The following REV3L variants were observed in gnomAD, a reference collection of about 807,000 sequenced individuals.
REV3L encodes DNA polymerase zeta catalytic subunit.
A neutral mutation model predicts 299.4 loss-of-function variants in REV3L; 69 were observed. The ratio of observed to expected loss-of-function variants is 0.23; its 90% CI spans 0.19 to 0.28. REV3L has a LOEUF of 0.28. Ranked by LOEUF, REV3L falls within the 10% of genes least tolerant of loss-of-function variation. The pLI is 1.00. For synonymous variants in REV3L, 1,238 were observed against 1,271.4 expected, an observed-to-expected ratio of 0.97 and a Z score of 0.56; for missense variants, 3,128 against 3,693.8, an observed-to-expected ratio of 0.85 and a Z score of 3.97.
In REV3L at chr6:111,300,164, C is replaced by T; in HGVS notation, c.9253-8G>A. ...TGTACAGTTCTTGCATATCTGAAAG[C>T]ATAAGAGAAATACAAAAAATAATAG... On this transcript the variant is annotated splice_polypyrimidine_tract_variant and splice_region_variant and intron_variant, in intron 31 of 31. Coordinates refer to ENST00000368802, the MANE Select transcript of REV3L (RefSeq NM_001372078.1). 1 of 1,552,196 alleles carries T rather than the reference C, an allele frequency of 6.4e-7. No homozygotes were observed. Among genetic ancestry groups the T allele is most frequent in the Non-Finnish European group, 8.7e-7 (1 of 1,154,278 alleles).
intron 4 of REV3L, among the ~76,000 whole-genome samples, chr6:111,395,080 T>C (rs1420032284): frequency 6.6e-6 from 1 of 152,210 alleles, no homozygotes; most frequent in African/African-American, 2.4e-5. Flanking sequence ...TCCATTTTTA[T>C]ACCAACATCA....
chr6:111,412,505 T>C (rs1220089635), intron 2 of REV3L, among the ~76,000 whole-genome samples: 1 of 152,122 alleles, frequency 6.6e-6, no homozygotes, highest in African/African-American at 2.4e-5. Flanking sequence ...AAAGGCTTTG[T>C]ATTGGCTGAA....
chr6:111,389,341 T>A, intron 6 of REV3L, 131 bp from the exon 7 acceptor site: 1 of 676,928 alleles, frequency 1.5e-6, no homozygotes, highest in Non-Finnish European at 2.5e-6. Flanking sequence ...GTGGACAAAT[T>A]ATCCCAACCT....
chr6:111,376,843 C>T, intron 12 of REV3L, 86 bp from the exon 13 acceptor site: 1 of 1,096,628 alleles, frequency 9.1e-7, no homozygotes, highest in Non-Finnish European at 1.3e-6. Flanking sequence ...TTAATGCTAT[C>T]ACTATGAAAA....
intron 1 of REV3L, among the ~76,000 whole-genome samples, chr6:111,440,530 G>GT (rs1788143411): frequency 6.6e-6 from 1 of 152,170 alleles, no homozygotes; most frequent in South Asian, 2.1e-4. Flanking sequence ...ATAAGGGACA[G>GT]CCCTCCTGTC....
At chr6:111,325,163 A>G (rs756850187) in intron 25 of REV3L, among the ~76,000 whole-genome samples, 2 of 152,214 alleles carry the variant, frequency 1.3e-5, no homozygotes, top group South Asian at 4.1e-4. Context: ...ACCTGGCCTC[A>G]AAAGTCTTAA....
intron 26 of REV3L, among the ~76,000 whole-genome samples, chr6:111,320,814 T>G (rs182969911): frequency 1.6e-4 from 24 of 152,282 alleles, no homozygotes; most frequent in Non-Finnish European, 3.4e-4. Flanking sequence ...CATGTCCGGC[T>G]AATTTTTAAA....
At chr6:111,363,604 A>T (rs1778918158) in intron 16 of REV3L, among the ~76,000 whole-genome samples, 1 of 152,130 alleles carries the variant, frequency 6.6e-6, no homozygotes, top group South Asian at 2.1e-4. Context: ...CCATAAGCTG[A>T]ATTTCAGTTA....
intron 2 of REV3L, chr6:111,412,133 A>G: frequency 1.0e-6 from 1 of 985,388 alleles, no homozygotes; most frequent in Non-Finnish European, 1.2e-6. Flanking sequence ...TACACACAGC[A>G]TGTATTTCAG....
rs755087400 is a variant in REV3L, at chr6:111,367,630, A to G, written c.6158T>C (p.Met2053Thr). The stretch of plus-strand genomic sequence containing the variant: ...GGGGAGTATACATGGACTTACATCC[A>G]TTTTTGGAGGCACTACAGGTTTGTC... ...PDDKPVVPPK[M>T]DVSPCILPTT... The change falls in exon 14 of 32, where the codon ATG becomes ACG. Residue 2053 changes from methionine (M) to threonine (T), a missense_variant. Physicochemically the swap from Met to Thr is moderately conservative, Grantham distance 81 (BLOSUM62 -1). This residue lies in a region of REV3L where 2,409 missense variants were observed against 2,611.8 expected (regional missense o/e 0.92). Coordinates refer to ENST00000368802, the MANE Select transcript of REV3L (RefSeq NM_001372078.1). The G allele has an allele frequency of 6.2e-7, 1 of 1,614,124 alleles. No homozygotes were observed. Among genetic ancestry groups the G allele is most frequent in the East Asian group, 2.2e-5 (1 of 44,888 alleles).
rs947787063 is a variant in REV3L at position 111,389,984 on chromosome 6, T to C, written c.757+102A>G. On this transcript the variant is annotated intron_variant, in intron 6 of 31. Transcript: ENST00000368802. ...GATCTGACCTCATGATCCACCCACC[T>C]TGGCCTCCCAAAGTGCTGGGATTAC... The C allele has an allele frequency of 7.3e-5, 51 of 701,686 alleles. No homozygotes were observed. The African/African-American group carries it at 8.3e-4, about 11-fold the overall frequency. The allele number at this position is 701,686 out of a possible 1,614,324, so 43.5% of individuals were successfully genotyped here.
chr6:111,342,762 T>C lies in REV3L; in HGVS notation c.7538+1163A>G, dbSNP rs530179148. Among the ~76,000 whole-genome samples, 3 of 149,624 alleles carry C rather than the reference T, an allele frequency of 2.0e-5. No homozygotes were observed. In the South Asian group the frequency reaches 6.4e-4, roughly 32 times the overall value. On this transcript the variant is annotated intron_variant, in intron 21 of 31. Coordinates refer to ENST00000368802, the MANE Select transcript of REV3L (RefSeq NM_001372078.1). ...CCTCCACTATAAACCTTGCAGAGAG[T>C]AAAAAGTGACATCGGTCAACCACTC...
At position 111,380,205 on chromosome 6, in the gene REV3L, C is replaced by G. The variant is rs777988166; in HGVS notation, c.1231G>C (p.Asp411His). The part of the protein sequence containing the change: ...ESPVFMDSSP[D>H]EALVHLLAGL... ...GCAAGAAGATGTACCAGAGCCTCAT[C>G]AGGACTACTGTCCACTATAAAACAA... The change falls in exon 11 of 32, where the codon GAT (aspartate) becomes CAT (histidine). Residue 411 changes from aspartate (D) to histidine (H), a missense_variant. By Grantham distance (81) the Asp-to-His change is moderately conservative. Coordinates refer to ENST00000368802, the MANE Select transcript of REV3L (RefSeq NM_001372078.1). 4 of 1,611,446 alleles carry G rather than the reference C, an allele frequency of 2.5e-6. No homozygotes were observed. The highest frequency in any genetic ancestry group is 2.5e-6 in the Non-Finnish European group (3 of 1,177,688).
chr6:111,324,768 C>A lies in REV3L; in HGVS notation c.8242-2090G>T, dbSNP rs544105099. 7.2e-5 allele frequency among the ~76,000 whole-genome samples: 11 copies of A among 152,146 alleles called. No homozygotes were observed. In the South Asian group the frequency reaches 2.3e-3, roughly 32 times the overall value. ...TGCTACTTTGTGCCAAGGTTCCTAACCTGAAAAGCATTACTTCATTAAAGG... is the reference window on the plus strand; with the variant it reads ...TGCTACTTTGTGCCAAGGTTCCTAAACTGAAAAGCATTACTTCATTAAAGG... On this transcript the variant is annotated intron_variant, in intron 25 of 31. Coordinates refer to ENST00000368802, the MANE Select transcript of REV3L (RefSeq NM_001372078.1).
chr6:111,358,757 G>C (rs778128986), intron 17 of REV3L, 65 bp downstream of exon 17: 40 of 1,264,216 alleles, frequency 3.2e-5, no homozygotes, highest in South Asian at 1.3e-4. Context: ...TTCAGCACAG[G>C]AATTCCCCAT....
intron 1 of REV3L, among the ~76,000 whole-genome samples, chr6:111,435,076 A>C (rs1329684176): frequency 1.3e-5 from 2 of 152,062 alleles, no homozygotes; most frequent in Non-Finnish European, 2.9e-5. Context: ...GTGGTAGCAC[A>C]CGCCTATAGT....
chr6:111,325,136 C>G (rs1774637622), intron 25 of REV3L, among the ~76,000 whole-genome samples: 1 of 152,210 alleles, frequency 6.6e-6, no homozygotes, highest in South Asian at 2.1e-4. Flanking sequence ...GCTGGGATTA[C>G]AGGCGTGAGC....
intron 13 of REV3L, 83 bp downstream of exon 13, chr6:111,372,513 A>G: frequency 9.1e-7 from 1 of 1,099,160 alleles, no homozygotes; most frequent in Non-Finnish European, 1.2e-6. Context: ...TGTTGCATAC[A>G]TTCTTTTTTT....
At chr6:111,448,756 G>C (rs1201231310) in intron 1 of REV3L, among the ~76,000 whole-genome samples, 1 of 150,314 alleles carries the variant, frequency 6.7e-6, no homozygotes, top group Non-Finnish European at 1.5e-5. Context: ...CAGTGTATGG[G>C]ACTACAGGAG....
Sources: allele counts gnomAD v4.1 joint callset (sites outside exome capture counted in the v4.1 genomes callset), GRCh38; gene constraint gnomAD v4.1.1; regional missense constraint gnomAD v4.1.1; transcripts MANE v1.5; gene names NCBI Gene and HGNC (gene_info 2026-07-23, HGNC 2026-07-21).